UGT2A2: variants seen among roughly 807,000 people sequenced by gnomAD.
UGT2A2 encodes UDP glucuronosyltransferase family 2 member A2.
UGT2A2 carries 60 observed loss-of-function variants against 50.7 expected under a neutral mutation model. That is an observed-to-expected ratio of 1.18 (90% CI 0.96 to 1.47). UGT2A2 has a LOEUF of 1.47. Ranked by LOEUF, UGT2A2 falls within the 40% of genes most tolerant of loss-of-function variation. UGT2A2 has a pLI of 0.00. For synonymous variants in UGT2A2, 242 were observed against 214.6 expected, an observed-to-expected ratio of 1.13 and a Z score of -1.11; for missense variants, 762 against 634.0, an observed-to-expected ratio of 1.20 and a Z score of -2.17.
Position 69,589,232 on chromosome 4 carries a change from C to T in UGT2A2, c.*140G>A, listed in dbSNP as rs866694061. 2.0e-5 allele frequency: 22 copies of T among 1,103,524 alleles called. No homozygotes were observed. Among genetic ancestry groups the T allele is most frequent in the Non-Finnish European group, 2.6e-5 (21 of 812,906 alleles). 68.4% of individuals were successfully genotyped at this position (1,103,524 alleles called of 1,614,324 possible). A position where few individuals can be genotyped will look rare whatever the true frequency, so the allele number is the denominator to read the frequency against. ...ATCTAGGCTTTATCAGTAGGCTTAT[C>T]GCAGGTAGAGAAATAGAAAATTTGG... is the stretch of plus-strand genomic sequence containing the variant. On this transcript the variant is annotated 3_prime_UTR_variant, in exon 6 of 6. Transcript: ENST00000604629.
chr4:69,602,277 A>G (rs1030832310), intron 1 of UGT2A2, among the ~76,000 whole-genome samples: 3 of 137,162 alleles, frequency 2.2e-5, no homozygotes, highest in Admixed American at 7.2e-5. Flanking sequence ...GAATTTCTTT[A>G]CACCAACAAA....
chr4:69,625,963 T>C (rs995613153), intron 1 of UGT2A2, among the ~76,000 whole-genome samples: 1 of 151,620 alleles, frequency 6.6e-6, no homozygotes, highest in Non-Finnish European at 1.5e-5. Context: ...ATCTTAAAGA[T>C]ACTCAATAAC....
At chr4:69,615,015 A>G (rs1206096598) in intron 1 of UGT2A2, among the ~76,000 whole-genome samples, 1 of 151,958 alleles carries the variant, frequency 6.6e-6, no homozygotes, top group Admixed American at 6.6e-5. Context: ...TTAAACAGCT[A>G]TATCTCATGA....
chr4:69,638,542 G>A (rs371890211), intron 1 of UGT2A2, among the ~76,000 whole-genome samples: 9 of 152,046 alleles, frequency 5.9e-5, no homozygotes, highest in African/African-American at 2.2e-4. Flanking sequence ...AAGGAGGCAT[G>A]GTAAATCATG....
At chr4:69,594,770 C>A in intron 4 of UGT2A2, 74 bp from the exon 5 acceptor site, 2 of 1,494,494 alleles carry the variant, frequency 1.3e-6, no homozygotes, top group South Asian at 2.5e-5. Context: ...CAGAAGGGGT[C>A]AAAAAGCTGT....
intron 3 of UGT2A2, among the ~76,000 whole-genome samples, chr4:69,595,838 A>G (rs1718889479): frequency 6.6e-6 from 1 of 152,186 alleles, no homozygotes; most frequent in Non-Finnish European, 1.5e-5. Context: ...AATAAAACCT[A>G]GACATTCGAA....
In UGT2A2 at chr4:69,605,334, C is replaced by T. The variant is rs79395984; in HGVS notation, c.743-5940G>A. Among the ~76,000 whole-genome samples, 21 of 135,762 alleles carry T rather than the reference C, an allele frequency of 1.5e-4. 5 individuals are homozygous for T. Among genetic ancestry groups the T allele is most frequent in the African/African-American group, 5.7e-4 (19 of 33,304 alleles). The allele number at this position is 135,762 out of a possible 152,430, so 89.1% of individuals were successfully genotyped here. The stretch of plus-strand genomic sequence containing the variant: ...TCCTGAATGACTACTGGGTACATAA[C>T]GAAATGAAGGCAGAAATAAAGATGT... On this transcript the variant is annotated intron_variant, in intron 1 of 5. Transcript: ENST00000604629.
At chr4:69,591,128 T>C (rs186833029) in intron 5 of UGT2A2, among the ~76,000 whole-genome samples, 2 of 152,146 alleles carry the variant, frequency 1.3e-5, no homozygotes, top group African/African-American at 2.4e-5. Context: ...ATCAATAGTT[T>C]TGTCAATGAA....
Position 69,638,886 on chromosome 4 carries a change from A to C in UGT2A2, c.742+13T>G, listed in dbSNP as rs1578001287. The C allele has an allele frequency of 1.3e-6, 2 of 1,550,904 alleles. No homozygotes were observed. The highest frequency in any genetic ancestry group is 4.5e-5 in the East Asian group (2 of 44,114). ...GATGTGGAGTCATTAAAAAGAGAAA[A>C]TTTTAGACTTACCTAAAATTTTGCT... On this transcript the variant is annotated intron_variant, in intron 1 of 5. Coordinates refer to ENST00000604629, the MANE Select transcript of UGT2A2 (RefSeq NM_001105677.2).
intron 1 of UGT2A2, among the ~76,000 whole-genome samples, chr4:69,600,313 A>G (rs1414932133): frequency 6.6e-6 from 1 of 152,230 alleles, no homozygotes; most frequent in Non-Finnish European, 1.5e-5. Flanking sequence ...CCCAGACTCC[A>G]GCAGGGACAG....
At chr4:69,626,627 C>T (rs1721074298) in intron 1 of UGT2A2, among the ~76,000 whole-genome samples, 1 of 151,180 alleles carries the variant, frequency 6.6e-6, no homozygotes, top group South Asian at 2.1e-4. Flanking sequence ...CCCTTGGAAA[C>T]TAAAATGAAA....
Position 69,631,895 on chromosome 4 carries a change from T to G in UGT2A2, c.742+7004A>C, listed in dbSNP as rs114763982. On this transcript the variant is annotated intron_variant, in intron 1 of 5. Transcript: ENST00000604629. Reference sequence around the variant, plus strand: ...GGCTACCACTTCACACTACTTTTAGTTGGCACTTTTGTCAAGAAAAGACAG... The same window carrying G: ...GGCTACCACTTCACACTACTTTTAGGTGGCACTTTTGTCAAGAAAAGACAG... 1.4e-3 allele frequency among the ~76,000 whole-genome samples: 211 copies of G among 152,308 alleles called. 1 individual carries two copies. The highest frequency in any genetic ancestry group is 4.9e-3 in the African/African-American group (205 of 41,572).
chr4:69,589,718 G>A, intron 5 of UGT2A2, 67 bp from the exon 6 acceptor site: 1 of 1,543,566 alleles, frequency 6.5e-7, no homozygotes, highest in Non-Finnish European at 8.7e-7. Context: ...AGATAAATAT[G>A]TGATACACTT....
At chr4:69,626,577 G>A (rs1441437559) in intron 1 of UGT2A2, among the ~76,000 whole-genome samples, 3 of 151,546 alleles carry the variant, frequency 2.0e-5, no homozygotes, top group African/African-American at 7.3e-5. Flanking sequence ...TCAAGCCTTA[G>A]TGACACGCAG....
At chr4:69,636,652 T>G (rs1721728016) in intron 1 of UGT2A2, among the ~76,000 whole-genome samples, 1 of 152,136 alleles carries the variant, frequency 6.6e-6, no homozygotes, top group Non-Finnish European at 1.5e-5. Flanking sequence ...AACCATTTAT[T>G]TTTTGTAGAT....
At position 69,589,159 on chromosome 4, in the gene UGT2A2, G is replaced by A. The variant is rs1718432224; in HGVS notation, c.*213C>T. 10 of 526,298 alleles carry A rather than the reference G, an allele frequency of 1.9e-5. No individual in the cohort carries two copies. The East Asian group carries it at 3.8e-4, about 20-fold the overall frequency. The allele number at this position is 526,298 out of a possible 1,614,324, so 32.6% of individuals were successfully genotyped here. ...GGTATAGTCAGCAGGGAGAGACAAA[G>A]GAAAAATAGAAGACTATAACTCACA... is the stretch of plus-strand genomic sequence containing the variant. On this transcript the variant is annotated 3_prime_UTR_variant, in exon 6 of 6. Coordinates refer to ENST00000604629, the MANE Select transcript of UGT2A2 (RefSeq NM_001105677.2).
rs962960724 is a variant in UGT2A2 at position 69,596,273 on chromosome 4, C to G, written c.1000G>C (p.Ala334Pro). 1.2e-6 allele frequency: 2 copies of G among 1,604,230 alleles called. No individual in the cohort carries two copies. The highest frequency in any genetic ancestry group is 2.7e-5 in the African/African-American group (2 of 74,474). Residue 334 changes from alanine to proline, a missense_variant, in exon 3 of 6, where the codon GCC becomes CCC. Coordinates refer to ENST00000604629, the MANE Select transcript of UGT2A2 (RefSeq NM_001105677.2). ...TEEKANLIAS[A>P]LAQIPQKVLW... is the part of the protein sequence containing the mutation. ...ACCTTCTGTGGAATCTGGGCAAGGG[C>G]TGAGGCAATAAGATTGGCCTTTTCT...
chr4:69,599,514 G>A (rs1719134395), intron 1 of UGT2A2, 120 bp from the exon 2 acceptor site: 2 of 1,388,720 alleles, frequency 1.4e-6, no homozygotes, highest in Admixed American at 2.5e-5. Flanking sequence ...AGGTCTTCTA[G>A]AATACTTATC....
intron 1 of UGT2A2, among the ~76,000 whole-genome samples, chr4:69,615,200 C>A (rs565544578): frequency 7.4e-4 from 113 of 151,958 alleles, no homozygotes; most frequent in African/African-American, 2.6e-3. Flanking sequence ...ATCAAATCAC[C>A]CTGAAAAATT....
Sources: allele counts gnomAD v4.1 joint callset (sites outside exome capture counted in the v4.1 genomes callset), GRCh38; gene constraint gnomAD v4.1.1; transcripts MANE v1.5; gene names NCBI Gene and HGNC (gene_info 2026-07-23, HGNC 2026-07-21).